MYRIP: variants seen among roughly 807,000 people sequenced by gnomAD.
The protein encoded by MYRIP is myosin VIIA and Rab interacting protein, also known as rab effector MyRIP.
In MYRIP, 49 loss-of-function variants were observed where a neutral mutation model predicts 98.0. That is an observed-to-expected ratio of 0.50 (90% CI 0.40 to 0.63). MYRIP has a LOEUF of 0.63. Among genes scored for constraint, MYRIP ranks in the 30% least tolerant of loss-of-function variants. MYRIP has a pLI of 0.00. For missense variants in MYRIP, 1,004 were observed against 1,058.2 expected (o/e 0.95, Z 0.71); for synonymous variants, 404 against 409.5 (o/e 0.99, Z 0.16).
intron 3 of MYRIP, among the ~76,000 whole-genome samples, chr3:40,071,965 C>T (rs1468189676): frequency 1.3e-5 from 2 of 152,126 alleles, no homozygotes; most frequent in Non-Finnish European, 2.9e-5. Flanking sequence ...GAGGGCCAGA[C>T]TCTCTGCTAG....
chr3:40,146,255 A>G (rs1950008552), intron 3 of MYRIP, among the ~76,000 whole-genome samples: 1 of 152,160 alleles, frequency 6.6e-6, no homozygotes, highest in Non-Finnish European at 1.5e-5. Flanking sequence ...AAGGCCTCCC[A>G]AGGGAAGTGA....
chr3:39,881,665 C>G (rs139054144), intron 1 of MYRIP, among the ~76,000 whole-genome samples: 18 of 152,296 alleles, frequency 1.2e-4, no homozygotes, highest in Non-Finnish European at 1.9e-4. Context: ...CTAGCCCAGT[C>G]TCTCCTGAGA....
intron 1 of MYRIP, among the ~76,000 whole-genome samples, chr3:39,828,422 C>T (rs1257026550): frequency 6.6e-6 from 1 of 151,780 alleles, no homozygotes; most frequent in Non-Finnish European, 1.5e-5. Context: ...TTGTATATTA[C>T]TGAGTTTTCT....
At chr3:39,850,285 G>A (rs977287861) in intron 1 of MYRIP, among the ~76,000 whole-genome samples, 2 of 152,206 alleles carry the variant, frequency 1.3e-5, no homozygotes, top group Non-Finnish European at 2.9e-5. Context: ...TACCCTCAAG[G>A]CACTAGCCCA....
intron 2 of MYRIP, among the ~76,000 whole-genome samples, chr3:39,927,566 C>CA (rs951856608): frequency 6.6e-5 from 10 of 151,738 alleles, no homozygotes; most frequent in Non-Finnish European, 1.3e-4. Flanking sequence ...ACCTACCAAC[C>CA]AAAAAAATCC....
intron 3 of MYRIP, among the ~76,000 whole-genome samples, chr3:40,135,370 A>G (rs1475582145): frequency 6.6e-6 from 1 of 152,222 alleles, no homozygotes; most frequent in African/African-American, 2.4e-5. Flanking sequence ...CCTCCAAGAA[A>G]TATGGGACTA....
chr3:39,863,899 A>G (rs1226930639), intron 1 of MYRIP, among the ~76,000 whole-genome samples: 1 of 152,096 alleles, frequency 6.6e-6, no homozygotes, highest in Non-Finnish European at 1.5e-5. Context: ...AAAAACCCTC[A>G]AAAAAATACT....
intron 1 of MYRIP, among the ~76,000 whole-genome samples, chr3:39,820,111 T>G (rs9848961): frequency 0.2 from 30,041 of 152,114 alleles, 3,084 homozygotes; most frequent in South Asian, 0.29. Context: ...GCAAAACGTG[T>G]GTGCCCCAGG....
At chr3:39,848,783 A>T (rs1166645332) in intron 1 of MYRIP, among the ~76,000 whole-genome samples, 1 of 152,198 alleles carries the variant, frequency 6.6e-6, no homozygotes, top group Admixed American at 6.5e-5. Context: ...AATGCACAAA[A>T]CTTGGAATTT....
intron 2 of MYRIP, among the ~76,000 whole-genome samples, chr3:40,009,528 C>T (rs1397680690): frequency 6.6e-6 from 1 of 152,154 alleles, no homozygotes; most frequent in Non-Finnish European, 1.5e-5. Flanking sequence ...AGGTATGAGC[C>T]ACCACGCCTG....
intron 1 of MYRIP, among the ~76,000 whole-genome samples, chr3:39,879,058 C>CT (rs1209201230): frequency 7.1e-6 from 1 of 140,084 alleles, no homozygotes; most frequent in Non-Finnish European, 1.6e-5. Context: ...GAGCGAGACT[C>CT]TGTCTCAAAA....
chr3:40,100,374 C>A, intron 3 of MYRIP: 1 of 726,954 alleles, frequency 1.4e-6, no homozygotes, highest in Non-Finnish European at 1.7e-6. Context: ...TGCAACAGAA[C>A]TATGTCAATT....
At chr3:39,998,367 A>G (rs984943545) in intron 2 of MYRIP, among the ~76,000 whole-genome samples, 1 of 152,222 alleles carries the variant, frequency 6.6e-6, no homozygotes, top group African/African-American at 2.4e-5. Flanking sequence ...CAAAAATCAC[A>G]AGCATTCTTA....
intron 2 of MYRIP, among the ~76,000 whole-genome samples, chr3:39,932,589 G>C (rs1005505182): frequency 3.3e-5 from 5 of 152,072 alleles, no homozygotes; most frequent in Non-Finnish European, 7.4e-5. Flanking sequence ...GTTTCACCAT[G>C]TTAGCCAGGA....
At chr3:40,257,752 A>G (rs532372948) in intron 16 of MYRIP, among the ~76,000 whole-genome samples, 8 of 152,356 alleles carry the variant, frequency 5.3e-5, no homozygotes, top group African/African-American at 1.4e-4. Flanking sequence ...GAAACTGATC[A>G]TTAATGAAAT....
At chr3:39,984,181 G>A (rs1945968239) in intron 2 of MYRIP, among the ~76,000 whole-genome samples, 1 of 134,260 alleles carries the variant, frequency 7.4e-6, no homozygotes. Context: ...GGACAGAGAG[G>A]TTGTAAGGAA....
At chr3:39,912,607 A>G (rs1334883087) in intron 2 of MYRIP, among the ~76,000 whole-genome samples, 1 of 152,238 alleles carries the variant, frequency 6.6e-6, no homozygotes, top group Non-Finnish European at 1.5e-5. Flanking sequence ...ACAACCCCAT[A>G]TAACACTTCA....
intron 2 of MYRIP, among the ~76,000 whole-genome samples, chr3:39,920,693 T>C (rs1205869687): frequency 3.3e-5 from 5 of 152,256 alleles, no homozygotes; most frequent in African/African-American, 1.2e-4. Context: ...TCTGCTTTGA[T>C]AGCTTAAATA....
At chr3:39,920,948 T>C (rs1041781557) in intron 2 of MYRIP, among the ~76,000 whole-genome samples, 1 of 152,312 alleles carries the variant, frequency 6.6e-6, no homozygotes. Context: ...TTCAGTATTG[T>C]TGATGTGCTC....
Sources: gnomAD v4.1 joint callset for allele counts (sites outside exome capture counted in the v4.1 genomes callset) on GRCh38, gnomAD v4.1.1 for gene constraint, MANE v1.5 for transcripts, NCBI Gene and HGNC (gene_info 2026-07-23, HGNC 2026-07-21) for gene names.